Variants in WDR27 observed in about 807,000 individuals in gnomAD.
The protein encoded by WDR27 is WD repeat-containing protein 27.
A neutral mutation model predicts 114.4 loss-of-function variants in WDR27; 100 were observed. That is an observed-to-expected ratio of 0.87 (90% CI 0.74 to 1.03). The LOEUF (loss-of-function observed/expected upper bound fraction) is 1.03. Ranked by LOEUF, WDR27 falls within the 50% of genes least tolerant of loss-of-function variation. The pLI is 0.00. For missense variants in WDR27, 1,129 were observed against 1,092.9 expected (o/e 1.03, Z -0.47); for synonymous variants, 449 against 423.1 (o/e 1.06, Z -0.75).
At chr6:169,486,746 C>T (rs111311478) in intron 25 of WDR27, among the ~76,000 whole-genome samples, 2,003 of 152,208 alleles carry the variant, frequency 0.013, 42 homozygotes, top group African/African-American at 0.041. Context: ...CGCCTCAGCC[C>T]CCCAAAGTGC....
chr6:169,563,638 G>A (rs989940612), intron 25 of WDR27, among the ~76,000 whole-genome samples: 44 of 152,214 alleles, frequency 2.9e-4, no homozygotes, highest in African/African-American at 9.9e-4. Context: ...AGCCACAGCC[G>A]TCTCTTCTGC....
At chr6:169,458,786 C>CAA (rs373146234) in intron 25 of WDR27, among the ~76,000 whole-genome samples, 9 of 104,900 alleles carry the variant, frequency 8.6e-5, no homozygotes, top group African/African-American at 2.4e-4. Context: ...GACCCTGTCT[C>CAA]AAAAAAAAAA....
chr6:169,488,895 TGTAAACTCACTCCA>T (rs1562485170), intron 25 of WDR27, among the ~76,000 whole-genome samples: 1 of 151,426 alleles, frequency 6.6e-6, no homozygotes. Flanking sequence ...GTCACATTAA[TGTAAACTCACTCCA>T]GTGTGGGTGG....
At chr6:169,532,650 TTTTA>T (rs1412531521) in intron 25 of WDR27, among the ~76,000 whole-genome samples, 2 of 152,184 alleles carry the variant, frequency 1.3e-5, no homozygotes, top group Admixed American at 6.5e-5. Flanking sequence ...ATAAATGAAA[TTTTA>T]TTTAGTTTCA....
Position 169,661,673 on chromosome 6 carries a change from G to A in WDR27, c.1025+631C>T, listed in dbSNP as rs578218714. Among the ~76,000 whole-genome samples, 6 of 152,220 alleles carry A rather than the reference G, an allele frequency of 3.9e-5. No individual in the cohort carries two copies. The South Asian group carries it at 6.2e-4, about 16-fold the overall frequency. On this transcript the variant is annotated intron_variant, in intron 9 of 25. Coordinates refer to ENST00000448612, the MANE Select transcript of WDR27 (RefSeq NM_182552.5). ...GGTCCATGCACCCACCGGGAGCACC[G>A]TGTCCAGCCTCCATGCCCACCCTGC...
intron 22 of WDR27, among the ~76,000 whole-genome samples, chr6:169,607,409 C>CACACACACACACAT (rs1809449375): frequency 2.5e-5 from 1 of 39,896 alleles, no homozygotes; most frequent in African/African-American, 5.2e-5. Context: ...CACACACACA[C>CACACACACACACAT]ACACACACAC....
At chr6:169,648,479 T>C (rs183880068) in intron 15 of WDR27, among the ~76,000 whole-genome samples, 1 of 152,340 alleles carries the variant, frequency 6.6e-6, no homozygotes. Context: ...ACATTTCACC[T>C]GCATAAGGCC....
chr6:169,543,169 A>G (rs545597628), intron 25 of WDR27, among the ~76,000 whole-genome samples: 1 of 152,268 alleles, frequency 6.6e-6, no homozygotes, highest in South Asian at 2.1e-4. Context: ...TATTCGTTTT[A>G]TATCTTTTCT....
chr6:169,470,367 A>G (rs1786197941), intron 25 of WDR27, among the ~76,000 whole-genome samples: 1 of 152,214 alleles, frequency 6.6e-6, no homozygotes, highest in Admixed American at 6.5e-5. Flanking sequence ...GACTCTATCC[A>G]TCACCTTTCA....
At chr6:169,437,315 G>T in the WDR27 span, among the ~76,000 whole-genome samples, 1 of 152,224 alleles carries the variant, frequency 6.6e-6, no homozygotes, top group East Asian at 1.9e-4. Context: ...AAGGACCAAA[G>T]TCTGGTACTC....
At chr6:169,468,029 G>T (rs931763136) in intron 25 of WDR27, among the ~76,000 whole-genome samples, 5 of 152,140 alleles carry the variant, frequency 3.3e-5, no homozygotes, top group Non-Finnish European at 5.9e-5. Context: ...TAAATCATCT[G>T]TCTCAAGTTT....
chr6:169,636,823 G>C (rs1222859091), intron 18 of WDR27, among the ~76,000 whole-genome samples: 1 of 152,184 alleles, frequency 6.6e-6, no homozygotes, highest in Non-Finnish European at 1.5e-5. Context: ...TTAAAATACA[G>C]TTCTGAGGTG....
In WDR27 at chr6:169,661,994, T is replaced by C. The variant is rs536714328; in HGVS notation, c.1025+310A>G. On this transcript the variant is annotated intron_variant, in intron 9 of 25. Transcript: ENST00000448612. ...TAGCACAGCGGTAGATGGGAAAGTCTAGGCCATTCCAATCACCATTTCCTC... is the reference window on the plus strand; with the variant it reads ...TAGCACAGCGGTAGATGGGAAAGTCCAGGCCATTCCAATCACCATTTCCTC... 2.2e-4 allele frequency among the ~76,000 whole-genome samples: 33 copies of C among 152,356 alleles called. 2 individuals are homozygous for C. The South Asian group carries it at 6.6e-3, about 31-fold the overall frequency.
At chr6:169,593,255 T>C (rs1229117966) in intron 23 of WDR27, among the ~76,000 whole-genome samples, 1 of 152,198 alleles carries the variant, frequency 6.6e-6, no homozygotes, top group African/African-American at 2.4e-5. Flanking sequence ...CACATGGGCC[T>C]GGTACTATTT....
chr6:169,427,002 C>T, the WDR27 span: 1 of 152,026 alleles, frequency 6.6e-6, no homozygotes, highest in African/African-American at 2.4e-5. Flanking sequence ...GCATACCATC[C>T]TGACCTTGTT....
intron 4 of WDR27, 39 bp from the exon 5 acceptor site, chr6:169,668,224 T>A (rs1430604605): frequency 6.2e-7 from 1 of 1,601,438 alleles, no homozygotes; most frequent in East Asian, 2.2e-5. Flanking sequence ...CTGTTCAAGC[T>A]GGAATTCTCT....
rs561710577 is a variant in WDR27 at position 169,575,665 on chromosome 6, T to C, written c.2524-3125A>G. Among the ~76,000 whole-genome samples, 3 of 152,342 alleles carry C rather than the reference T, an allele frequency of 2.0e-5. No individual in the cohort carries two copies. The South Asian group carries it at 6.2e-4, about 32-fold the overall frequency. The stretch of plus-strand genomic sequence containing the variant: ...CATGCACTTTACATGTTAATATGCC[T>C]GGGCTGGAACTTAGAAGGGTCTTTT... On this transcript the variant is annotated intron_variant, in intron 24 of 25. Coordinates refer to ENST00000448612, the MANE Select transcript of WDR27 (RefSeq NM_182552.5).
At chr6:169,681,107 G>A (rs1781409265) in intron 2 of WDR27, among the ~76,000 whole-genome samples, 1 of 152,168 alleles carries the variant, frequency 6.6e-6, no homozygotes, top group Admixed American at 6.5e-5. Flanking sequence ...AGTGTTACTT[G>A]CAATAGTCAA....
intron 1 of WDR27, among the ~76,000 whole-genome samples, chr6:169,699,080 C>T (rs1024888477): frequency 3.9e-5 from 6 of 152,172 alleles, no homozygotes; most frequent in Non-Finnish European, 5.9e-5. Context: ...CCTGTAATAA[C>T]GCAGAAAACT....
Sources: gnomAD v4.1 joint callset for allele counts (sites outside exome capture counted in the v4.1 genomes callset) on GRCh38, gnomAD v4.1.1 for gene constraint, MANE v1.5 for transcripts, NCBI Gene and HGNC (gene_info 2026-07-23, HGNC 2026-07-21) for gene names.